Variants in QRFPR observed in about 807,000 individuals in gnomAD.
QRFPR encodes pyroglutamylated RF-amide peptide receptor.
A neutral mutation model predicts 31.3 loss-of-function variants in QRFPR; 37 were observed. That is an observed-to-expected ratio of 1.18 (90% CI 0.91 to 1.56). The LOEUF (loss-of-function observed/expected upper bound fraction) is 1.56. Among genes scored for constraint, QRFPR ranks in the 40% most tolerant of loss-of-function variants. The pLI is 0.00. For missense variants in QRFPR, 542 were observed against 532.5 expected, an observed-to-expected ratio of 1.02 and a Z score of -0.18; for synonymous variants, 197 against 192.0, an observed-to-expected ratio of 1.03 and a Z score of -0.22.
intron 1 of QRFPR, among the ~76,000 whole-genome samples, chr4:121,366,168 C>T (rs1267144065): frequency 6.7e-6 from 1 of 149,766 alleles, no homozygotes; most frequent in Non-Finnish European, 1.5e-5. Flanking sequence ...GTCAGTATAA[C>T]CAGTGTGGTT....
At chr4:121,339,344 A>G (rs1725495516) in intron 2 of QRFPR, among the ~76,000 whole-genome samples, 2 of 152,370 alleles carry the variant, frequency 1.3e-5, no homozygotes, top group South Asian at 4.1e-4. Flanking sequence ...TACTGAATAG[A>G]GAAATGCTTC....
intron 2 of QRFPR, among the ~76,000 whole-genome samples, chr4:121,337,720 A>G (rs759750621): frequency 1.7e-4 from 26 of 151,770 alleles, no homozygotes; most frequent in Non-Finnish European, 2.8e-4. Context: ...TTAAAGTATA[A>G]TAATAAAAAA....
At chr4:121,330,380 G>T (rs976255938) in intron 5 of QRFPR, 46 bp downstream of exon 5, 2 of 1,294,162 alleles carry the variant, frequency 1.5e-6, no homozygotes, top group African/African-American at 1.5e-5. Flanking sequence ...TATTCTAGCA[G>T]GAAATGAATG....
At chr4:121,369,873 T>C in intron 1 of QRFPR, 2 of 828,726 alleles carry the variant, frequency 2.4e-6, no homozygotes, top group South Asian at 2.7e-5. Flanking sequence ...ATCTCTCCAC[T>C]CTGCAGCTTT....
Position 121,329,173 on chromosome 4 carries a change from G to A in QRFPR, c.*141C>T, listed in dbSNP as rs998178817. ...ACATCACTGCACTTGGACTAGCCTCGTGTCATTTTTTAATGGAAACATGAT... is the reference window on the plus strand; with the variant it reads ...ACATCACTGCACTTGGACTAGCCTCATGTCATTTTTTAATGGAAACATGAT... On this transcript the variant is annotated 3_prime_UTR_variant, in exon 6 of 6. Transcript: ENST00000394427. 5.2e-5 allele frequency: 34 copies of A among 655,104 alleles called. No individual in the cohort carries two copies. In the African/African-American group the frequency reaches 5.7e-4, roughly 11 times the overall value. The allele number at this position is 655,104 out of a possible 1,614,324, so 40.6% of individuals were successfully genotyped here.
chr4:121,339,472 G>A (rs1725497536), intron 2 of QRFPR, among the ~76,000 whole-genome samples: 4 of 152,158 alleles, frequency 2.6e-5, no homozygotes, highest in African/African-American at 9.7e-5. Flanking sequence ...ATCCAGAAAT[G>A]CCTAAAGGAA....
At chr4:121,345,461 C>G (rs1725625932) in intron 1 of QRFPR, among the ~76,000 whole-genome samples, 1 of 152,176 alleles carries the variant, frequency 6.6e-6, no homozygotes, top group Non-Finnish European at 1.5e-5. Flanking sequence ...ATATACTTCT[C>G]TTTTGCTACC....
intron 5 of QRFPR, 75 bp from the exon 6 acceptor site, chr4:121,329,789 CAA>C: frequency 1.9e-6 from 2 of 1,072,876 alleles, no homozygotes; most frequent in Non-Finnish European, 2.6e-6. Flanking sequence ...TGTCACCTGT[CAA>C]AGACTTAAAC....
chr4:121,375,064 AC>A (rs1726325158), intron 1 of QRFPR, among the ~76,000 whole-genome samples: 2 of 152,120 alleles, frequency 1.3e-5, no homozygotes, highest in Admixed American at 1.3e-4. Context: ...CTCCAGGCAC[AC>A]CCCAAACACT....
intron 1 of QRFPR, among the ~76,000 whole-genome samples, chr4:121,341,657 G>T (rs1725545419): frequency 6.6e-6 from 1 of 152,106 alleles, no homozygotes; most frequent in Non-Finnish European, 1.5e-5. Context: ...ACTACCTTAA[G>T]GCTACGTGTG....
intron 1 of QRFPR, among the ~76,000 whole-genome samples, chr4:121,362,801 A>C (rs2110479799): frequency 6.6e-6 from 1 of 150,392 alleles, no homozygotes; most frequent in Non-Finnish European, 1.5e-5. Context: ...TACGAGAAAG[A>C]CCACTTAAAA....
At chr4:121,332,107 C>T (rs1233820815) in intron 4 of QRFPR, among the ~76,000 whole-genome samples, 1 of 152,138 alleles carries the variant, frequency 6.6e-6, no homozygotes, top group African/African-American at 2.4e-5. Flanking sequence ...CACTAGAGAT[C>T]ACTGCACACT....
intron 1 of QRFPR, among the ~76,000 whole-genome samples, chr4:121,374,467 T>A (rs1371542145): frequency 6.6e-6 from 1 of 152,186 alleles, no homozygotes; most frequent in Admixed American, 6.5e-5. Flanking sequence ...TGATTTTAAA[T>A]CTTGGCTGCA....
At chr4:121,329,840 C>T in intron 5 of QRFPR, 126 bp from the exon 6 acceptor site, 2 of 705,416 alleles carry the variant, frequency 2.8e-6, no homozygotes, top group Non-Finnish European at 2.2e-6. Flanking sequence ...TTCTCAAGAT[C>T]GTTTTGGGAG....
chr4:121,354,980 T>A lies in QRFPR; in HGVS notation c.341-14370A>T, dbSNP rs72917752. Among the ~76,000 whole-genome samples the A allele has an allele frequency of 5.7e-3, 871 of 152,236 alleles. 12 individuals are homozygous for A. Among genetic ancestry groups the A allele is most frequent in the African/African-American group, 0.02 (839 of 41,570 alleles). ...TTGAATTTGGTTTTCTAGTATTTTG[T>A]TAGAGGTTTTTGCATCTATGCTAAT... is the stretch of plus-strand genomic sequence containing the variant. On this transcript the variant is annotated intron_variant, in intron 1 of 5. Transcript: ENST00000394427.
intron 1 of QRFPR, chr4:121,370,242 TC>T (rs1726210027): frequency 1.3e-6 from 1 of 780,086 alleles, no homozygotes; most frequent in Non-Finnish European, 2.4e-6. Context: ...CTTGAGGGTA[TC>T]ATCATAGCTG....
intron 1 of QRFPR, among the ~76,000 whole-genome samples, chr4:121,354,568 G>A (rs1018703823): frequency 2.0e-5 from 3 of 151,606 alleles, no homozygotes; most frequent in Admixed American, 1.3e-4. Context: ...TAATTGCTCT[G>A]TCTAGGACTT....
chr4:121,372,113 T>C (rs763793665), intron 1 of QRFPR, among the ~76,000 whole-genome samples: 3 of 152,112 alleles, frequency 2.0e-5, no homozygotes, highest in Non-Finnish European at 4.4e-5. Context: ...AGGGAAGTCT[T>C]ACACTCAACG....
rs765052135 is a variant in QRFPR at position 121,340,613 on chromosome 4, G to A, written c.341-3C>T. The A allele has an allele frequency of 5.0e-6, 8 of 1,612,816 alleles. No individual in the cohort carries two copies. Among genetic ancestry groups the A allele is most frequent in the Non-Finnish European group, 5.9e-6 (7 of 1,179,078 alleles). Reference sequence around the variant, plus strand: ...CACCATCTTGCAAATGAAAGCACCTGCAGTAAGGAAATAGGACAAATCATA... The same window carrying A: ...CACCATCTTGCAAATGAAAGCACCTACAGTAAGGAAATAGGACAAATCATA... On this transcript the variant is annotated splice_region_variant and splice_polypyrimidine_tract_variant and intron_variant, in intron 1 of 5. Transcript: ENST00000394427.
Sources: gnomAD v4.1 joint callset for allele counts (sites outside exome capture counted in the v4.1 genomes callset) on GRCh38, gnomAD v4.1.1 for gene constraint, MANE v1.5 for transcripts, NCBI Gene and HGNC (gene_info 2026-07-23, HGNC 2026-07-21) for gene names.